Variants in UGT3A1 observed in about 807,000 individuals in gnomAD.
UGT3A1 encodes UDP glycosyltransferase family 3 member A1.
A neutral mutation model predicts 37.6 loss-of-function variants in UGT3A1; 40 were observed. The observed-to-expected ratio is 1.06, with a 90% confidence interval of 0.83 to 1.38. The LOEUF is 1.38. UGT3A1 is among the 40% of genes most tolerant of loss of function. UGT3A1 has a pLI of 0.00. For missense variants in UGT3A1, 642 were observed against 634.2 expected (o/e 1.01, Z -0.13); for synonymous variants, 256 against 232.3 (o/e 1.10, Z -0.93).
chr5:35,955,920 C>A, intron 5 of UGT3A1, 56 bp from the exon 6 acceptor site: 1 of 1,561,816 alleles, frequency 6.4e-7, no homozygotes, highest in South Asian at 1.1e-5. Flanking sequence ...TTTGGAATAC[C>A]AGGTAAAGCA....
At chr5:35,977,138 A>AGAAG (rs1417053056) in intron 2 of UGT3A1, among the ~76,000 whole-genome samples, 2 of 150,898 alleles carry the variant, frequency 1.3e-5, no homozygotes, top group South Asian at 2.1e-4. Context: ...AAGGAAGGAA[A>AGAAG]GAAGGAAGGA....
Position 35,953,995 on chromosome 5 carries a change from C to A in UGT3A1, c.*207G>T. 1 of 565,732 alleles carries A rather than the reference C, an allele frequency of 1.8e-6. No homozygotes were observed. Among genetic ancestry groups the A allele is most frequent in the Non-Finnish European group, 3.1e-6 (1 of 324,876 alleles). The allele number at this position is 565,732 out of a possible 1,614,324, so 35.0% of individuals were successfully genotyped here. ...TGGCAGGTGAAAATTTGTATCTGAG[C>A]TGGGGTTTCAAGTCACAAGGGGCAA... is the stretch of plus-strand genomic sequence containing the variant. On this transcript the variant is annotated 3_prime_UTR_variant, in exon 7 of 7. Coordinates refer to ENST00000274278, the MANE Select transcript of UGT3A1 (RefSeq NM_152404.4).
intron 2 of UGT3A1, among the ~76,000 whole-genome samples, chr5:35,983,521 A>G (rs959415160): frequency 4.6e-5 from 7 of 152,210 alleles, no homozygotes; most frequent in African/African-American, 1.7e-4. Context: ...ATTAAAGATC[A>G]GGGGCTATTT....
At chr5:35,976,835 A>AAG (rs1740290500) in intron 2 of UGT3A1, among the ~76,000 whole-genome samples, 1 of 151,370 alleles carries the variant, frequency 6.6e-6, no homozygotes, top group South Asian at 2.1e-4. Flanking sequence ...GCTTGCCTCA[A>AAG]AAATAATATG....
intron 3 of UGT3A1, among the ~76,000 whole-genome samples, chr5:35,966,887 A>G (rs1357483490): frequency 6.6e-6 from 1 of 152,226 alleles, no homozygotes; most frequent in African/African-American, 2.4e-5. Flanking sequence ...GTTCTTAAGA[A>G]TCAACTTTAA....
chr5:35,973,173 T>C (rs1303369603), intron 2 of UGT3A1, among the ~76,000 whole-genome samples: 1 of 152,210 alleles, frequency 6.6e-6, no homozygotes, highest in Admixed American at 6.5e-5. Context: ...CTCTTTTGCA[T>C]GAGAAACTGT....
chr5:35,958,709 A>T (rs1233257533), intron 4 of UGT3A1, among the ~76,000 whole-genome samples: 15 of 152,340 alleles, frequency 9.8e-5, no homozygotes, highest in Admixed American at 9.8e-4. Context: ...AACAGTATAA[A>T]TTTCTAATCC....
At chr5:35,990,105 A>AAG (rs1554075018) in intron 1 of UGT3A1, among the ~76,000 whole-genome samples, 2,177 of 150,628 alleles carry the variant, frequency 0.014, 22 homozygotes, top group Non-Finnish European at 0.026. Flanking sequence ...AAAAAAAAAA[A>AAG]AAAGAAAGAA....
Position 35,965,830 on chromosome 5 carries a change from G to A in UGT3A1, c.399C>T (p.Ser133=). Residue 133 remains serine, a synonymous_variant, in exon 4 of 7, where the codon TCC becomes TCT. Transcript: ENST00000274278. ...YLLSRKDIMD[S]LKNENYDLVF... ...CCAGATCATAGTTCTCATTCTTTAA[G>A]GAATCCATTATATCCTTTCTGCTTA... 1 of 1,613,992 alleles carries A rather than the reference G, an allele frequency of 6.2e-7. No individual in the cohort carries two copies. The highest frequency in any genetic ancestry group is 1.1e-5 in the South Asian group (1 of 91,036).
In UGT3A1 at chr5:35,980,662, G is replaced by A. The variant is rs1379422623; in HGVS notation, c.196+7788C>T. Among the ~76,000 whole-genome samples, 6 of 152,270 alleles carry A rather than the reference G, an allele frequency of 3.9e-5. No individual in the cohort carries two copies. The East Asian group carries it at 1.2e-3, about 29-fold the overall frequency. On this transcript the variant is annotated intron_variant, in intron 2 of 6. Coordinates refer to ENST00000274278, the MANE Select transcript of UGT3A1 (RefSeq NM_152404.4). ...TCTTGATATTTAGTAAAGATCTAAAGATAAGCTTTCCAAGCAGCTGGAAAA... is the reference window on the plus strand; with the variant it reads ...TCTTGATATTTAGTAAAGATCTAAAAATAAGCTTTCCAAGCAGCTGGAAAA...
chr5:35,994,021 G>A (rs190837016), upstream of UGT3A1, among the ~76,000 whole-genome samples: 6 of 152,116 alleles, frequency 3.9e-5, no homozygotes, highest in East Asian at 1.2e-3. Context: ...GCGGTCTGAG[G>A]TTTATTTGCT....
At chr5:35,989,835 C>G (rs1017128687) in intron 1 of UGT3A1, among the ~76,000 whole-genome samples, 7 of 152,164 alleles carry the variant, frequency 4.6e-5, no homozygotes, top group Non-Finnish European at 8.8e-5. Context: ...TGAACTAACA[C>G]AGTTTCTTAG....
upstream of UGT3A1, among the ~76,000 whole-genome samples, chr5:35,994,997 C>T (rs1041605767): frequency 6.6e-6 from 1 of 152,126 alleles, no homozygotes; most frequent in Admixed American, 6.5e-5. Context: ...GGATGGAAAA[C>T]GCAGGCACAA....
chr5:35,974,740 T>C (rs1408486604), intron 2 of UGT3A1, among the ~76,000 whole-genome samples: 1 of 152,202 alleles, frequency 6.6e-6, no homozygotes, highest in Non-Finnish European at 1.5e-5. Flanking sequence ...TGACACCCGT[T>C]AGTCAAGTCC....
chr5:35,990,701 C>T (rs964775695), intron 1 of UGT3A1, among the ~76,000 whole-genome samples: 2 of 152,120 alleles, frequency 1.3e-5, no homozygotes, highest in Admixed American at 1.3e-4. Flanking sequence ...CAGTGCTGCC[C>T]TCAGGAGTGC....
intron 1 of UGT3A1, chr5:35,990,844 G>A: frequency 9.6e-7 from 1 of 1,036,552 alleles, no homozygotes; most frequent in Non-Finnish European, 1.3e-6. Flanking sequence ...GGCAGCCCAG[G>A]AACTCAAGCT....
rs1471828688 is a variant in UGT3A1, at chr5:35,991,175, A to G, written c.66T>C (p.Ala22=). 1 of 1,613,750 alleles carries G rather than the reference A, an allele frequency of 6.2e-7. No individual in the cohort carries two copies. Among genetic ancestry groups the G allele is most frequent in the Non-Finnish European group, 8.5e-7 (1 of 1,179,918 alleles). The change falls in exon 1 of 7, where the codon GCT becomes GCC. Residue 22 remains alanine (A), a synonymous_variant. Transcript: ENST00000274278. ...GTGTAGATATTGTCAGGATTTTGGC[A>G]GCCTCTGAGAGCAGGACCCCAGAAA... The part of the protein sequence containing the change: ...FLLSGVLLSE[A]AKILTISTLG...
At chr5:35,966,241 T>G (rs1739804379) in intron 3 of UGT3A1, among the ~76,000 whole-genome samples, 1 of 152,220 alleles carries the variant, frequency 6.6e-6, no homozygotes. Context: ...CCTTTATAAA[T>G]CCTGTGATGC....
chr5:35,980,667 GC>G, intron 2 of UGT3A1, among the ~76,000 whole-genome samples: 1 of 152,158 alleles, frequency 6.6e-6, no homozygotes. Context: ...CTAAAGATAA[GC>G]TTTCCAAGCA....
Sources: gnomAD v4.1 joint callset for allele counts (sites outside exome capture counted in the v4.1 genomes callset) on GRCh38, gnomAD v4.1.1 for gene constraint, MANE v1.5 for transcripts, NCBI Gene and HGNC (gene_info 2026-07-23, HGNC 2026-07-21) for gene names.